Variants in MSRA observed in about 807,000 individuals in gnomAD.
MSRA encodes mitochondrial peptide methionine sulfoxide reductase.
MSRA carries 54 observed loss-of-function variants against 31.3 expected under a neutral mutation model. The ratio of observed to expected loss-of-function variants is 1.73; its 90% CI spans 1.39 to 2.17. The LOEUF (loss-of-function observed/expected upper bound fraction) is 2.17. MSRA is among the 30% of genes most tolerant of loss of function. MSRA has a pLI of 0.00. For synonymous variants in MSRA, 169 were observed against 116.5 expected, an observed-to-expected ratio of 1.45 and a Z score of -2.90; for missense variants, 507 against 300.9, an observed-to-expected ratio of 1.69 and a Z score of -5.07.
chr8:10,131,470 G>C (rs976592112), intron 1 of MSRA, among the ~76,000 whole-genome samples: 1 of 152,208 alleles, frequency 6.6e-6, no homozygotes, highest in Non-Finnish European at 1.5e-5. Context: ...CCGGGGAGTG[G>C]CATTCACAAA....
chr8:10,304,697 G>A (rs566385916), intron 4 of MSRA, among the ~76,000 whole-genome samples: 10 of 152,294 alleles, frequency 6.6e-5, no homozygotes, highest in Non-Finnish European at 8.8e-5. Flanking sequence ...CTCTACTTGA[G>A]GTCACATGGC....
At chr8:10,366,656 C>A (rs1805183650) in intron 5 of MSRA, among the ~76,000 whole-genome samples, 1 of 152,194 alleles carries the variant, frequency 6.6e-6, no homozygotes, top group Non-Finnish European at 1.5e-5. Context: ...CCTGCTTGTA[C>A]CTGTAACAGT....
At chr8:10,106,263 C>T (rs189631941) in intron 1 of MSRA, among the ~76,000 whole-genome samples, 3 of 152,252 alleles carry the variant, frequency 2.0e-5, no homozygotes, top group East Asian at 3.9e-4. Flanking sequence ...TTCCAGTTGG[C>T]CTTATTGTAC....
At chr8:10,311,747 C>G (rs118099096) in intron 4 of MSRA, among the ~76,000 whole-genome samples, 3,569 of 152,070 alleles carry the variant, frequency 0.023, 70 homozygotes, top group Middle Eastern at 0.051. Context: ...GTCTCCATCT[C>G]TACAAGAAAT....
chr8:10,096,081 A>G lies in MSRA; in HGVS notation c.142+41423A>G, dbSNP rs370944969. 1.9e-4 allele frequency: 257 copies of G among 1,348,214 alleles called. 1 individual carries two copies. The African/African-American group carries it at 3.5e-3, about 18-fold the overall frequency. The allele number at this position is 1,348,214 out of a possible 1,614,324, so 83.5% of individuals were successfully genotyped here. A position where few individuals can be genotyped will look rare whatever the true frequency, so the allele number is the denominator to read the frequency against. ...ATTTTATTTTATTTTATTTTTAGACATTTATAGACATTAACTTTTCAAGGA... is the reference window on the plus strand; with the variant it reads ...ATTTTATTTTATTTTATTTTTAGACGTTTATAGACATTAACTTTTCAAGGA... On this transcript the variant is annotated intron_variant, in intron 1 of 5. Transcript: ENST00000317173.
intron 5 of MSRA, among the ~76,000 whole-genome samples, chr8:10,383,290 G>C (rs1017410478): frequency 1.3e-5 from 2 of 152,218 alleles, no homozygotes; most frequent in African/African-American, 4.8e-5. Flanking sequence ...CAAAGCATCT[G>C]AATGTCAGCA....
At chr8:10,264,207 T>A (rs1219556807) in intron 3 of MSRA, among the ~76,000 whole-genome samples, 1 of 152,202 alleles carries the variant, frequency 6.6e-6, no homozygotes, top group Admixed American at 6.5e-5. Flanking sequence ...TCTCAAACTC[T>A]ACCTGTGTGT....
At chr8:10,384,188 T>A (rs948119606) in intron 5 of MSRA, among the ~76,000 whole-genome samples, 1 of 152,180 alleles carries the variant, frequency 6.6e-6, no homozygotes, top group African/African-American at 2.4e-5. Flanking sequence ...TATGCCATGA[T>A]TCCTCCTGCG....
Position 10,063,977 on chromosome 8 carries a change from GC to G in MSRA, c.142+9320del, listed in dbSNP as rs1234257189. On this transcript the variant is annotated intron_variant, in intron 1 of 5. Transcript: ENST00000317173. ...CCTTGGGGCTGTTTCAGCTTAGATTGCTCTTAGAGTTGGAGCTGGAACTAGG... is the reference window on the plus strand; with the variant it reads ...CCTTGGGGCTGTTTCAGCTTAGATTGTCTTAGAGTTGGAGCTGGAACTAGG... Among the ~76,000 whole-genome samples, 4 of 152,154 alleles carry G rather than the reference GC, an allele frequency of 2.6e-5. 1 individual carries two copies. In the South Asian group the frequency reaches 8.3e-4, roughly 32 times the overall value.
chr8:10,080,342 CTT>C (rs1798230773), intron 1 of MSRA, among the ~76,000 whole-genome samples: 1 of 139,686 alleles, frequency 7.2e-6, no homozygotes, highest in African/African-American at 2.7e-5. Flanking sequence ...CCTGAAATTT[CTT>C]ACAGAGACCA....
chr8:10,149,351 C>T (rs889241565), intron 1 of MSRA, among the ~76,000 whole-genome samples: 19 of 152,146 alleles, frequency 1.2e-4, no homozygotes, highest in East Asian at 3.9e-4. Context: ...TCAAACTCCG[C>T]GACCTCAGGT....
intron 4 of MSRA, among the ~76,000 whole-genome samples, chr8:10,305,562 C>T (rs531080372): frequency 1.1e-4 from 16 of 152,132 alleles, no homozygotes; most frequent in East Asian, 5.8e-4. Context: ...TACAGGCATC[C>T]GCCACCACAC....
intron 3 of MSRA, among the ~76,000 whole-genome samples, chr8:10,274,748 C>G (rs1176301048): frequency 1.3e-5 from 2 of 152,114 alleles, no homozygotes; most frequent in Admixed American, 1.3e-4. Context: ...CACCCACCCA[C>G]TCACCCATCC....
intron 1 of MSRA, among the ~76,000 whole-genome samples, chr8:10,085,340 T>G (rs1162063558): frequency 6.6e-6 from 1 of 152,222 alleles, no homozygotes; most frequent in African/African-American, 2.4e-5. Flanking sequence ...CCCCAGTGCC[T>G]GGCTCCAGGC....
At chr8:10,301,123 G>A (rs904992399) in intron 3 of MSRA, among the ~76,000 whole-genome samples, 2 of 152,182 alleles carry the variant, frequency 1.3e-5, no homozygotes, top group South Asian at 2.1e-4. Context: ...CTGTGGTGCA[G>A]CTGAGCTCAC....
chr8:10,349,825 C>T (rs1454911096), intron 5 of MSRA, among the ~76,000 whole-genome samples: 4 of 152,232 alleles, frequency 2.6e-5, no homozygotes, highest in East Asian at 1.9e-4. Context: ...TGTCTGTGAA[C>T]GGCCACTCCT....
rs544774527 is a variant in MSRA, at chr8:10,200,970, G to A, written c.143-6863G>A. Among the ~76,000 whole-genome samples the A allele has an allele frequency of 3.3e-5, 5 of 152,234 alleles. No individual in the cohort carries two copies. In the East Asian group the frequency reaches 9.7e-4, roughly 29 times the overall value. ...AGGGGCCCGCTGCAGAGATGGGAGT[G>A]GCTAGTCTGAGGCCAGGGCTTGTGG... On this transcript the variant is annotated intron_variant, in intron 1 of 5. Transcript: ENST00000317173.
chr8:10,198,905 G>A (rs933600528), intron 1 of MSRA, among the ~76,000 whole-genome samples: 1 of 152,196 alleles, frequency 6.6e-6, no homozygotes, highest in Admixed American at 6.5e-5. Flanking sequence ...AGCGTTTCAT[G>A]TGCCATGAGC....
chr8:10,236,621 T>C (rs1811965575), intron 2 of MSRA, among the ~76,000 whole-genome samples: 1 of 152,230 alleles, frequency 6.6e-6, no homozygotes, highest in South Asian at 2.1e-4. Context: ...CTCAGCTCGC[T>C]GCAACCTCTG....
Sources: gnomAD v4.1 joint callset for allele counts (sites outside exome capture counted in the v4.1 genomes callset) on GRCh38, gnomAD v4.1.1 for gene constraint, MANE v1.5 for transcripts, NCBI Gene and HGNC (gene_info 2026-07-23, HGNC 2026-07-21) for gene names.